MICAL3: variants seen among roughly 807,000 people sequenced by gnomAD.
The protein encoded by MICAL3 is microtubule associated monooxygenase, calponin and LIM domain containing 3, also known as [F-actin]-monooxygenase MICAL3.
MICAL3 carries 62 observed loss-of-function variants against 207.4 expected under a neutral mutation model. The observed-to-expected ratio is 0.30, with a 90% CI of 0.24 to 0.37. The LOEUF is 0.37. Ranked by LOEUF, MICAL3 falls within the 10% of genes least tolerant of loss-of-function variation. MICAL3 has a pLI of 1.00. For synonymous variants in MICAL3, 1,077 were observed against 1,069.3 expected (o/e 1.01, Z -0.14); for missense variants, 2,368 against 2,635.6 (o/e 0.90, Z 2.22).
chr22:17,996,008 A>G (rs577681008), intron 1 of MICAL3, among the ~76,000 whole-genome samples: 1 of 152,064 alleles, frequency 6.6e-6, no homozygotes, highest in Non-Finnish European at 1.5e-5. Flanking sequence ...AAAAAATTTT[A>G]AAAATTAGCC....
rs1488867153 is a variant in MICAL3, at chr22:17,902,108, G to A, written c.590-129C>T. 1.5e-6 allele frequency: 1 copy of A among 653,048 alleles called. No homozygotes were observed. The highest frequency in any genetic ancestry group is 2.7e-6 in the Non-Finnish European group (1 of 373,944). The allele number at this position is 653,048 out of a possible 1,614,324, so 40.5% of individuals were successfully genotyped here. A position where few individuals can be genotyped will look rare whatever the true frequency, so the allele number is the denominator to read the frequency against. On this transcript the variant is annotated intron_variant, in intron 4 of 31. Coordinates refer to ENST00000441493, the MANE Select transcript of MICAL3 (RefSeq NM_015241.3). This position sits in a 1 kb window ranked among gnomAD's most constrained non-coding sequence, Gnocchi z 4.5. ...CAAAAACACTATGTGTAGAAGCAGT[G>A]GAGACAGAGGCTGTGCACGGTGGCT...
Position 17,998,656 on chromosome 22 carries a change from G to A in MICAL3, c.-75+25625C>T, listed in dbSNP as rs537619833. On this transcript the variant is annotated intron_variant, in intron 1 of 31. Coordinates refer to ENST00000441493, the MANE Select transcript of MICAL3 (RefSeq NM_015241.3). ...CTGCAACCTCCACCTCCCAATTCCC[G>A]GTTAAGCAATTCTCCTGCCTCAGCC... Among the ~76,000 whole-genome samples, 7 of 151,444 alleles carry A rather than the reference G, an allele frequency of 4.6e-5. No individual in the cohort carries two copies. In the South Asian group the frequency reaches 1.3e-3, roughly 27 times the overall value.
At position 17,833,188 on chromosome 22, in the gene MICAL3, T is replaced by A. The variant is rs560681319; in HGVS notation, c.2802-1081A>T. Among the ~76,000 whole-genome samples the A allele has an allele frequency of 3.9e-5, 6 of 152,316 alleles. No homozygotes were observed. The South Asian group carries it at 1.2e-3, about 32-fold the overall frequency. On this transcript the variant is annotated intron_variant, in intron 20 of 31. Coordinates refer to ENST00000441493, the MANE Select transcript of MICAL3 (RefSeq NM_015241.3). The stretch of plus-strand genomic sequence containing the variant: ...GAGGCAGGACAGGAACAAAACCGGG[T>A]TCCTTGCAACCTGTGGGGCTCCAAT...
At chr22:17,829,451 G>A (rs943663029) in intron 21 of MICAL3, among the ~76,000 whole-genome samples, 2 of 152,218 alleles carry the variant, frequency 1.3e-5, no homozygotes, top group Non-Finnish European at 2.9e-5. Flanking sequence ...TTACAGGCAT[G>A]AGCCACTGCA....
At chr22:17,857,432 G>T (rs1271582724) in intron 19 of MICAL3, among the ~76,000 whole-genome samples, 1 of 152,220 alleles carries the variant, frequency 6.6e-6, no homozygotes, top group Non-Finnish European at 1.5e-5. Flanking sequence ...CCCAGTCTGT[G>T]AAAAAACTGT....
chr22:17,999,853 A>T (rs1393652380), intron 1 of MICAL3, among the ~76,000 whole-genome samples: 6 of 152,238 alleles, frequency 3.9e-5, no homozygotes, highest in Non-Finnish European at 1.5e-5. Context: ...ACTATAAAAG[A>T]GATTTAAAAC....
intron 29 of MICAL3, among the ~76,000 whole-genome samples, chr22:17,804,838 G>A (rs1051073727): frequency 1.3e-5 from 2 of 152,102 alleles, no homozygotes; most frequent in African/African-American, 2.4e-5. Flanking sequence ...GGTAGAATGC[G>A]GTCCTGCCCC....
In MICAL3 at chr22:17,841,841, C is replaced by T. The variant is rs371882326; in HGVS notation, c.2782G>A (p.Glu928Lys). The T allele has an allele frequency of 2.5e-5, 39 of 1,553,262 alleles. No homozygotes were observed. Among genetic ancestry groups the T allele is most frequent in the South Asian group, 7.1e-5 (6 of 84,566 alleles). ...NLSSVLDTGAEEDVASSSSES... is the reference protein window; with the variant it reads ...NLSSVLDTGAKEDVASSSSES... ...GCTGACCTGCTGGCGACGTCCTCCT[C>T]GGCGCCCGTGTCCAGCACGCTGCTC... Residue 928 changes from glutamate to lysine, a missense_variant, in exon 20 of 32, where the codon GAG becomes AAG. Physicochemically the swap from Glu to Lys is moderately conservative, Grantham distance 56. Transcript: ENST00000441493. The surrounding 1 kb of genome is among the most constrained non-coding windows in gnomAD (Gnocchi z 4.2).
At chr22:18,001,489 C>T (rs1162141485) in intron 1 of MICAL3, 1 of 152,186 alleles carries the variant, frequency 6.6e-6, no homozygotes, top group Non-Finnish European at 1.5e-5. Context: ...CGGTAGGTAG[C>T]AGCCGGAGAA....
At position 17,791,222 on chromosome 22, in the gene MICAL3, G is replaced by A. The variant is rs370131275; in HGVS notation, c.5730C>T (p.Tyr1910=). 5.0e-6 allele frequency: 8 copies of A among 1,613,856 alleles called. No individual in the cohort carries two copies. Among genetic ancestry groups the A allele is most frequent in the Middle Eastern group, 1.6e-4 (1 of 6,062 alleles). The stretch of plus-strand genomic sequence containing the variant: ...CTCACAAGATCATCAGCTCCGACTC[G>A]TAGCGCACCATGGCGTTCTTCTCCT... ...LVQEKNAMVR[Y]ESELMIFARE... is the part of the protein sequence containing the mutation. The change falls in exon 30 of 32, where the codon TAC becomes TAT. Residue 1910 remains tyrosine, a synonymous_variant. Coordinates refer to ENST00000441493, the MANE Select transcript of MICAL3 (RefSeq NM_015241.3).
At position 18,018,740 on chromosome 22, in the gene MICAL3, A is replaced by ATATC. The variant is rs3083137; in HGVS notation, c.-75+5537_-75+5540dup. Among the ~76,000 whole-genome samples the ATATC allele has an allele frequency of 3.6e-3, 540 of 149,978 alleles. 1 individual carries two copies. The highest frequency in any genetic ancestry group is 0.014 in the Middle Eastern group (4 of 292). On this transcript the variant is annotated intron_variant, in intron 1 of 31. Coordinates refer to ENST00000441493, the MANE Select transcript of MICAL3 (RefSeq NM_015241.3). ...CTCAAGAAAAAAATAAAAATAAAAA[A>ATATC]TATCTATCTATCTATCTATCTATCT...
intron 17 of MICAL3, 54 bp downstream of exon 17, chr22:17,871,783 A>G (rs1278022665): frequency 6.6e-7 from 1 of 1,512,338 alleles, no homozygotes; most frequent in East Asian, 2.4e-5. Flanking sequence ...GCTCAGATGG[A>G]AACACTGTCC....
intron 1 of MICAL3, among the ~76,000 whole-genome samples, chr22:17,985,921 G>GTTTTT: frequency 6.6e-6 from 1 of 152,122 alleles, no homozygotes; most frequent in South Asian, 2.1e-4. Flanking sequence ...GTTTTGTTTT[G>GTTTTT]TTTTTGAGAC....
chr22:17,831,947 C>G lies in MICAL3; in HGVS notation c.2962G>C (p.Gly988Arg). 2 of 1,581,570 alleles carry G rather than the reference C, an allele frequency of 1.3e-6. No homozygotes were observed. The highest frequency in any genetic ancestry group is 1.7e-6 in the Non-Finnish European group (2 of 1,163,762). The change falls in exon 21 of 32, where the codon GGG (glycine) becomes CGG (arginine). Residue 988 changes from glycine (G) to arginine (R), a missense_variant. By Grantham distance (125) the Gly-to-Arg change is moderately radical. Transcript: ENST00000441493. The stretch of plus-strand genomic sequence containing the variant: ...TCCTCCTCCTCTTCATTCCCAGGCC[C>G]AAAGCTCTTTGAGGCCTCTAGCTCC... ...EEELEASKSFGPGNEEEEEEE... is the reference protein window; with the variant it reads ...EEELEASKSFRPGNEEEEEEE...
intron 19 of MICAL3, among the ~76,000 whole-genome samples, chr22:17,847,908 T>A (rs897265370): frequency 1.3e-5 from 2 of 152,114 alleles, no homozygotes; most frequent in African/African-American, 4.8e-5. Flanking sequence ...CAAACGATCC[T>A]CCCAGCTCGG....
intron 1 of MICAL3, among the ~76,000 whole-genome samples, chr22:17,920,078 CAGG>C (rs1245725464): frequency 6.6e-6 from 1 of 152,248 alleles, no homozygotes; most frequent in Admixed American, 6.5e-5. Flanking sequence ...TCATTTGAGG[CAGG>C]AGGACACAGG....
chr22:17,976,693 T>TA (rs1309087158), intron 1 of MICAL3, among the ~76,000 whole-genome samples: 1 of 141,002 alleles, frequency 7.1e-6, no homozygotes, highest in Admixed American at 7.2e-5. Flanking sequence ...TTTTGTGACT[T>TA]AGTTTCTGCT....
At chr22:18,001,180 C>T (rs935622520) in intron 1 of MICAL3, 1 of 152,078 alleles carries the variant, frequency 6.6e-6, no homozygotes, top group African/African-American at 2.4e-5. Context: ...GGGTTATAAG[C>T]GCAGCCGGAA....
intron 1 of MICAL3, among the ~76,000 whole-genome samples, chr22:17,982,679 T>TCATAACATAA (rs11268253): frequency 0.14 from 19,761 of 142,994 alleles, 1,608 homozygotes; most frequent in East Asian, 0.26. Context: ...TCAAAAAAAT[T>TCATAACATAA]CATAACATAA....
Sources: gnomAD v4.1 joint callset for allele counts (sites outside exome capture counted in the v4.1 genomes callset) on GRCh38, gnomAD v4.1.1 for gene constraint, Gnocchi (gnomAD v3.1) non-coding constraint, MANE v1.5 for transcripts, NCBI Gene and HGNC (gene_info 2026-07-23, HGNC 2026-07-21) for gene names.